The following SCN8A variants were observed in gnomAD, a reference collection of about 807,000 sequenced individuals.
SCN8A encodes sodium channel protein type 8 subunit alpha.
Under a neutral mutation model 184.1 loss-of-function variants are expected in SCN8A, and 30 were observed. The observed-to-expected ratio is 0.16, with a 90% CI of 0.12 to 0.22. The LOEUF is 0.22. Among genes scored for constraint, SCN8A ranks in the 10% least tolerant of loss-of-function variants. The pLI is 1.00. For missense variants in SCN8A, 1,057 were observed against 2,498.9 expected, an observed-to-expected ratio of 0.42 and a Z score of 12.30; for synonymous variants, 852 against 907.0, an observed-to-expected ratio of 0.94 and a Z score of 1.09.
chr12:51,766,264 A>C (rs1942836559), intron 16 of SCN8A: 2 of 558,138 alleles, frequency 3.6e-6, no homozygotes, highest in Admixed American at 6.4e-5. Context: ...GAGTTAGGAA[A>C]GCAAACTCAG....
At chr12:51,645,082 G>T (rs1457272819) in intron 1 of SCN8A, among the ~76,000 whole-genome samples, 1 of 148,662 alleles carries the variant, frequency 6.7e-6, no homozygotes, top group East Asian at 2.1e-4. Context: ...GAGGTGGGGG[G>T]ATCAGCCCCC....
chr12:51,612,488 T>G (rs113343320), intron 1 of SCN8A, among the ~76,000 whole-genome samples: 1,962 of 152,310 alleles, frequency 0.013, 61 homozygotes, highest in African/African-American at 0.045. Context: ...ATTCATTTTA[T>G]CAGGTCGGGT....
At chr12:51,624,080 A>G (rs1940023839) in intron 1 of SCN8A, among the ~76,000 whole-genome samples, 1 of 152,166 alleles carries the variant, frequency 6.6e-6, no homozygotes, top group South Asian at 2.1e-4. Flanking sequence ...ATATGTGTGC[A>G]TGTGTCTTTA....
chr12:51,642,892 C>G (rs1329953080), intron 1 of SCN8A, among the ~76,000 whole-genome samples: 2 of 151,954 alleles, frequency 1.3e-5, no homozygotes, highest in African/African-American at 4.8e-5. Context: ...TGGGTCTGCT[C>G]TTCGGCCTGT....
rs574982674 is a variant in SCN8A at position 51,713,027 on chromosome 12, G to A, written c.1635+6312G>A. On this transcript the variant is annotated intron_variant, in intron 11 of 26. Transcript: ENST00000627620. ...AGGGCCTTTTTCACTTCACAATTATGCCCATTAATAGTGTGGTATTTCTGA... is the reference window on the plus strand; with the variant it reads ...AGGGCCTTTTTCACTTCACAATTATACCCATTAATAGTGTGGTATTTCTGA... The A allele has an allele frequency of 1.0e-5, 16 of 1,556,860 alleles. No individual in the cohort carries two copies. The East Asian group carries it at 3.4e-4, about 33-fold the overall frequency.
At position 51,769,122 on chromosome 12, in the gene SCN8A, C is replaced by T. The variant is rs1048326216; in HGVS notation, c.3159C>T (p.Ile1053=). 3.1e-6 allele frequency: 5 copies of T among 1,613,380 alleles called. No individual in the cohort carries two copies. The African/African-American group carries it at 5.3e-5, about 17-fold the overall frequency. ...NCIANHTGAD[I]HRNGDFQKNG... ...TCGCCAATCACACCGGTGCAGACAT[C>T]CACCGGAATGGTGACTTCCAGAAGA... is the stretch of plus-strand genomic sequence containing the variant. The change falls in exon 17 of 27, where the codon ATC becomes ATT. Residue 1053 remains isoleucine, a synonymous_variant. Transcript: ENST00000627620.
chr12:51,700,121 A>AC (rs1941660270), intron 7 of SCN8A, among the ~76,000 whole-genome samples: 1 of 151,230 alleles, frequency 6.6e-6, no homozygotes, highest in Non-Finnish European at 1.5e-5. Context: ...AGCCAAGATC[A>AC]CGCCATTGTA....
intron 1 of SCN8A, among the ~76,000 whole-genome samples, chr12:51,651,084 G>C (rs1406426582): frequency 2.0e-5 from 3 of 152,202 alleles, no homozygotes; most frequent in East Asian, 3.9e-4. Context: ...GTTTAAGAAT[G>C]CCTTTAAGCG....
intron 16 of SCN8A, among the ~76,000 whole-genome samples, chr12:51,766,607 T>C (rs1942841955): frequency 2.0e-5 from 3 of 152,214 alleles, no homozygotes; most frequent in African/African-American, 7.2e-5. Context: ...TCTTAGAGTT[T>C]TATTTAATTT....
At chr12:51,732,729 T>G (rs1459017677) in intron 12 of SCN8A, among the ~76,000 whole-genome samples, 2 of 152,192 alleles carry the variant, frequency 1.3e-5, no homozygotes, top group African/African-American at 4.8e-5. Context: ...TTGCATCCTC[T>G]TCAATTTCTT....
chr12:51,740,101 G>A (rs1592137299), intron 12 of SCN8A, among the ~76,000 whole-genome samples: 1 of 152,346 alleles, frequency 6.6e-6, no homozygotes. Flanking sequence ...CCTTTAAGTG[G>A]TTTTCCACCC....
chr12:51,692,668 A>T (rs1205082655), intron 6 of SCN8A, among the ~76,000 whole-genome samples: 1 of 152,178 alleles, frequency 6.6e-6, no homozygotes, highest in Non-Finnish European at 1.5e-5. Flanking sequence ...ATATGTCTTA[A>T]AACTTTGTTT....
chr12:51,731,454 T>C (rs1942241306), intron 12 of SCN8A, among the ~76,000 whole-genome samples: 1 of 152,142 alleles, frequency 6.6e-6, no homozygotes, highest in Non-Finnish European at 1.5e-5. Context: ...TTTTACCATA[T>C]TGGCCAGGCT....
intron 1 of SCN8A, among the ~76,000 whole-genome samples, chr12:51,641,433 C>T (rs1833403367): frequency 6.6e-6 from 1 of 152,144 alleles, no homozygotes; most frequent in Non-Finnish European, 1.5e-5. Flanking sequence ...CCATACTGTA[C>T]AGAAAAAGCA....
intron 12 of SCN8A, among the ~76,000 whole-genome samples, chr12:51,741,364 T>C (rs1301415000): frequency 1.3e-5 from 2 of 152,194 alleles, no homozygotes; most frequent in Non-Finnish European, 2.9e-5. Context: ...ATAGGTGAAG[T>C]GTGTTTCTTG....
At chr12:51,688,618 A>T in intron 5 of SCN8A, 1 of 643,892 alleles carries the variant, frequency 1.6e-6, no homozygotes, top group Non-Finnish European at 2.7e-6. Context: ...AATGTTCCTT[A>T]AATGTTTGTA....
chr12:51,638,074 A>G (rs755470426), intron 1 of SCN8A, among the ~76,000 whole-genome samples: 5 of 152,178 alleles, frequency 3.3e-5, no homozygotes, highest in Non-Finnish European at 5.9e-5. Context: ...TGGAACAACA[A>G]GGCCTAGATA....
chr12:51,716,195 G>T (rs766672371), intron 11 of SCN8A, among the ~76,000 whole-genome samples: 1 of 152,044 alleles, frequency 6.6e-6, no homozygotes, highest in Non-Finnish European at 1.5e-5. Flanking sequence ...TTAGCCAGGC[G>T]TGGTATGGCA....
At chr12:51,661,333 A>T (rs559083572) in intron 1 of SCN8A, among the ~76,000 whole-genome samples, 2 of 152,210 alleles carry the variant, frequency 1.3e-5, no homozygotes, top group African/African-American at 2.4e-5. Flanking sequence ...CAACTGGTCT[A>T]TGTGGGGCAA....
Sources: allele counts gnomAD v4.1 joint callset (sites outside exome capture counted in the v4.1 genomes callset), GRCh38; gene constraint gnomAD v4.1.1; transcripts MANE v1.5; gene names NCBI Gene and HGNC (gene_info 2026-07-23, HGNC 2026-07-21).